TOPBP1: variants seen among roughly 807,000 people sequenced by gnomAD.
TOPBP1 encodes the protein DNA topoisomerase 2-binding protein 1.
In TOPBP1, 28 loss-of-function variants were observed where a neutral mutation model predicts 167.7. The observed-to-expected ratio is 0.17, with a 90% CI of 0.12 to 0.23. TOPBP1 has a LOEUF of 0.23. Among genes scored for constraint, TOPBP1 ranks in the 10% least tolerant of loss-of-function variants. The probability of loss-of-function intolerance (pLI) is 1.00; values close to 1 mark genes in which losing one functional copy is unlikely to be tolerated. For missense variants in TOPBP1, 1,554 were observed against 1,809.6 expected (o/e 0.86, Z 2.56); for synonymous variants, 598 against 611.4 (o/e 0.98, Z 0.32).
chr3:133,639,827 T>A, intron 13 of TOPBP1, 132 bp downstream of exon 13: 1 of 804,788 alleles, frequency 1.2e-6, no homozygotes, highest in Non-Finnish European at 1.9e-6. Context: ...CTTCGAACAC[T>A]GAGACCCTCA....
intron 6 of TOPBP1, among the ~76,000 whole-genome samples, chr3:133,654,273 G>A (rs185922133): frequency 1.6e-4 from 25 of 152,182 alleles, no homozygotes; most frequent in Admixed American, 7.2e-4. Context: ...AATGTCAACA[G>A]GCTTCTACTT....
At chr3:133,659,775 T>C (rs1936618132) in intron 2 of TOPBP1, among the ~76,000 whole-genome samples, 1 of 151,990 alleles carries the variant, frequency 6.6e-6, no homozygotes, top group Admixed American at 6.6e-5. Flanking sequence ...TATATATATA[T>C]ATAGTTTTTG....
At position 133,661,144 on chromosome 3, in the gene TOPBP1, TAAAGG is replaced by T. The variant is rs1214459922; in HGVS notation, c.-7-15_-7-11del. On this transcript the variant is annotated splice_polypyrimidine_tract_variant and intron_variant, in intron 1 of 27. Transcript: ENST00000260810. ...TCTGGACATTTCTGAACTGTCAAAATAAAGGAACCATTAACAAGAACAAAACCACA... is the reference window on the plus strand; with the variant it reads ...TCTGGACATTTCTGAACTGTCAAAATAACCATTAACAAGAACAAAACCACA... The T allele has an allele frequency of 5.2e-6, 8 of 1,553,310 alleles. No individual in the cohort carries two copies. The highest frequency in any genetic ancestry group is 6.9e-6 in the Non-Finnish European group (8 of 1,156,678).
Position 133,656,874 on chromosome 3 carries a change from G to A in TOPBP1, c.364-17C>T, listed in dbSNP as rs746690802. The A allele has an allele frequency of 2.6e-6, 4 of 1,541,300 alleles. No individual in the cohort carries two copies. The highest frequency in any genetic ancestry group is 3.5e-6 in the Non-Finnish European group (4 of 1,145,008). On this transcript the variant is annotated splice_polypyrimidine_tract_variant and intron_variant, in intron 4 of 27. Coordinates refer to ENST00000260810, the MANE Select transcript of TOPBP1 (RefSeq NM_007027.4). ...AACTTCTTCCTGCAGCCCCAAAAGAGAACACATTAATGCTGAAGCAAACAA... is the reference window on the plus strand; with the variant it reads ...AACTTCTTCCTGCAGCCCCAAAAGAAAACACATTAATGCTGAAGCAAACAA...
At chr3:133,612,009 A>C (rs1488431595) in intron 24 of TOPBP1, among the ~76,000 whole-genome samples, 1 of 151,112 alleles carries the variant, frequency 6.6e-6, no homozygotes, top group East Asian at 1.9e-4. Context: ...AAGTGCTGAA[A>C]GTGGCATGAG....
intron 27 of TOPBP1, among the ~76,000 whole-genome samples, chr3:133,607,991 A>G (rs1438422740): frequency 6.6e-6 from 1 of 152,178 alleles, no homozygotes; most frequent in Non-Finnish European, 1.5e-5. Context: ...TATGAAATCT[A>G]ATCCTTATGA....
chr3:133,601,198 G>A lies in TOPBP1; in HGVS notation c.*52C>T. 6.7e-7 allele frequency: 1 copy of A among 1,493,744 alleles called. No individual in the cohort carries two copies. The highest frequency in any genetic ancestry group is 9.1e-7 in the Non-Finnish European group (1 of 1,103,142). 92.5% of individuals were successfully genotyped at this position (1,493,744 alleles called of 1,614,324 possible). A position where few individuals can be genotyped will look rare whatever the true frequency, so the allele number is the denominator to read the frequency against. On this transcript the variant is annotated 3_prime_UTR_variant, in exon 28 of 28. Coordinates refer to ENST00000260810, the MANE Select transcript of TOPBP1 (RefSeq NM_007027.4). ...CCAAATCTATCACAGTCACATTCAG[G>A]CTTTCAATTTTTAAAAACATTTAAT...
chr3:133,607,850 TTG>T (rs1934542093), intron 27 of TOPBP1, among the ~76,000 whole-genome samples: 1 of 152,210 alleles, frequency 6.6e-6, no homozygotes, highest in African/African-American at 2.4e-5. Flanking sequence ...GGCTTCACAT[TTG>T]TGTTTTAGGC....
intron 16 of TOPBP1, among the ~76,000 whole-genome samples, chr3:133,624,919 T>C (rs1417940593): frequency 6.6e-6 from 1 of 152,220 alleles, no homozygotes; most frequent in Non-Finnish European, 1.5e-5. Flanking sequence ...TCAAAAGCCA[T>C]GCTCTTAACT....
chr3:133,655,063 A>G (rs1446796142), intron 6 of TOPBP1, among the ~76,000 whole-genome samples: 4 of 152,086 alleles, frequency 2.6e-5, no homozygotes, highest in African/African-American at 9.7e-5. Flanking sequence ...AAAGTTATTC[A>G]GGCGTGGTGG....
intron 27 of TOPBP1, among the ~76,000 whole-genome samples, chr3:133,602,217 A>G (rs967926976): frequency 6.6e-6 from 1 of 152,166 alleles, no homozygotes; most frequent in African/African-American, 2.4e-5. Context: ...CTGATTTCTC[A>G]ACAGAAACAA....
chr3:133,623,688 C>T (rs1220923180), intron 17 of TOPBP1, among the ~76,000 whole-genome samples: 1 of 152,078 alleles, frequency 6.6e-6, no homozygotes, highest in Non-Finnish European at 1.5e-5. Flanking sequence ...CATTCCTGTG[C>T]TTTTGCAAAG....
At position 133,617,325 on chromosome 3, in the gene TOPBP1, A is replaced by C; in HGVS notation, c.3594T>G (p.Ala1198=). The change falls in exon 22 of 28, where the codon GCT becomes GCG. Residue 1198 remains alanine, a splice_region_variant and synonymous_variant. Transcript: ENST00000260810. The part of the protein sequence containing the change: ...PLHDSEIAKQ[A]VCDPGNIRVT... ...CACGTATGTTTCCAGGATCACAGAC[A>C]GCTGAGGACAATAAAATGCTGCAGT... The C allele has an allele frequency of 2.5e-6, 4 of 1,601,038 alleles. No individual in the cohort carries two copies. The highest frequency in any genetic ancestry group is 3.4e-6 in the Non-Finnish European group (4 of 1,175,616).
At chr3:133,638,909 A>G (rs933982135) in intron 13 of TOPBP1, among the ~76,000 whole-genome samples, 7 of 152,206 alleles carry the variant, frequency 4.6e-5, no homozygotes, top group African/African-American at 1.4e-4. Flanking sequence ...TAAATTTAGC[A>G]GGAAGACACA....
rs1443871089 is a variant in TOPBP1 at position 133,601,258 on chromosome 3, C to T, written c.4561G>A (p.Val1521Ile). 1 of 1,603,906 alleles carries T rather than the reference C, an allele frequency of 6.2e-7. No individual in the cohort carries two copies. The highest frequency in any genetic ancestry group is 1.1e-5 in the South Asian group (1 of 88,172). The stretch of plus-strand genomic sequence containing the variant: ...CTAAAGGGTAGATGCGATTAGTGTA[C>T]TCTAGGTCGTTTGATTTTATTTTTT... ...TEKNKIKRPR[V>I]H Residue 1521 changes from valine to isoleucine, a missense_variant, in exon 28 of 28, where the codon GTA (valine) becomes ATA (isoleucine). Transcript: ENST00000260810.
At position 133,649,907 on chromosome 3, in the gene TOPBP1, T is replaced by C. The variant is rs779342475; in HGVS notation, c.1126A>G (p.Lys376Glu). The C allele has an allele frequency of 6.9e-6, 11 of 1,605,236 alleles. No homozygotes were observed. The highest frequency in any genetic ancestry group is 1.3e-5 in the African/African-American group (1 of 74,618). The change falls in exon 9 of 28, where the codon AAA becomes GAA. Residue 376 changes from lysine (K) to glutamate (E), a missense_variant. Physicochemically the swap from Lys to Glu is moderately conservative, Grantham distance 56. Transcript: ENST00000260810. ...LCGFSGRKLD[K>E]LRRLINSGGG... is the part of the protein sequence containing the mutation. ...CCACTGTTAATAAGTCTTCTCAGTT[T>C]ATCTAGCTTTCTGCCACTAAAACCG...
chr3:133,644,429 G>A (rs1321125649), intron 10 of TOPBP1, 66 bp from the exon 11 acceptor site: 6 of 1,340,640 alleles, frequency 4.5e-6, no homozygotes, highest in Admixed American at 5.8e-5. Context: ...TCCTAGCAAG[G>A]ATATTAACGT....
At chr3:133,619,774 A>G (rs536559331) in intron 20 of TOPBP1, among the ~76,000 whole-genome samples, 34 of 152,338 alleles carry the variant, frequency 2.2e-4, no homozygotes, top group Admixed American at 2.1e-3. Context: ...GAGGTAATAA[A>G]AAGTATCAAT....
At chr3:133,639,671 G>A (rs779943543) in intron 13 of TOPBP1, among the ~76,000 whole-genome samples, 5 of 152,140 alleles carry the variant, frequency 3.3e-5, no homozygotes, top group Non-Finnish European at 7.4e-5. Flanking sequence ...AGATAAGCAG[G>A]AAGAGCAGGC....
Sources: allele counts gnomAD v4.1 joint callset (sites outside exome capture counted in the v4.1 genomes callset), GRCh38; gene constraint gnomAD v4.1.1; transcripts MANE v1.5; gene names NCBI Gene and HGNC (gene_info 2026-07-23, HGNC 2026-07-21).